Variants in ZNRF1 observed in about 807,000 individuals in gnomAD.
ZNRF1 encodes the protein zinc and ring finger 1, also known as E3 ubiquitin-protein ligase ZNRF1.
ZNRF1 carries 3 observed loss-of-function variants against 18.4 expected under a neutral mutation model. That is an observed-to-expected ratio of 0.16 (90% confidence interval 0.07 to 0.42). The LOEUF (loss-of-function observed/expected upper bound fraction) is 0.42, where lower values mean the gene tolerates loss of function less well. ZNRF1 is among the 10% of genes least tolerant of loss of function. The probability of loss-of-function intolerance (pLI) is 0.99; values close to 1 mark genes in which losing one functional copy is unlikely to be tolerated. For synonymous variants in ZNRF1, 157 were observed against 144.2 expected (o/e 1.09, Z -0.64); for missense variants, 310 against 329.8 (o/e 0.94, Z 0.47).
chr16:75,038,038 A>G (rs1242546328), intron 1 of ZNRF1, among the ~76,000 whole-genome samples: 1 of 152,218 alleles, frequency 6.6e-6, no homozygotes, highest in African/African-American at 2.4e-5. Flanking sequence ...TATGTTGACT[A>G]TGATTGCATA....
chr16:75,038,993 A>T (rs958938095), intron 1 of ZNRF1, among the ~76,000 whole-genome samples: 1 of 152,166 alleles, frequency 6.6e-6, no homozygotes, highest in African/African-American at 2.4e-5. Context: ...TTCTGTGTTT[A>T]ATCTCTGTGT....
chr16:75,081,150 G>C (rs2145411088), intron 1 of ZNRF1, among the ~76,000 whole-genome samples: 1 of 152,302 alleles, frequency 6.6e-6, no homozygotes, highest in Admixed American at 6.5e-5. Flanking sequence ...TCCAGCCTGG[G>C]GGACAGAGCA....
intron 1 of ZNRF1, among the ~76,000 whole-genome samples, chr16:75,014,282 C>T (rs1216748281): frequency 6.6e-6 from 1 of 152,160 alleles, no homozygotes; most frequent in African/African-American, 2.4e-5. Flanking sequence ...CCAAAGGGAA[C>T]GACTGCCCTC....
chr16:75,082,458 C>T (rs1244087770), intron 1 of ZNRF1, among the ~76,000 whole-genome samples: 1 of 152,210 alleles, frequency 6.6e-6, no homozygotes, highest in African/African-American at 2.4e-5. Flanking sequence ...GGTTTGATGT[C>T]TTCACGCTCA....
chr16:75,091,623 C>T lies in ZNRF1; in HGVS notation c.425-1949C>T, dbSNP rs181565660. Among the ~76,000 whole-genome samples the T allele has an allele frequency of 6.2e-4, 93 of 150,986 alleles. No homozygotes were observed. In the Middle Eastern group the frequency reaches 0.01, roughly 17 times the overall value. ...ACATGGCTCACTGCAGCTTTGACCT[C>T]CTGGGCTCAAGCCATCCTCCCACCT... On this transcript the variant is annotated intron_variant, in intron 1 of 4. Coordinates refer to ENST00000335325, the MANE Select transcript of ZNRF1 (RefSeq NM_032268.5).
chr16:75,030,977 A>G (rs1320722838), intron 1 of ZNRF1, among the ~76,000 whole-genome samples: 1 of 151,254 alleles, frequency 6.6e-6, no homozygotes, highest in Non-Finnish European at 1.5e-5. Flanking sequence ...AGCTGGGACT[A>G]GAGGTGTGCA....
chr16:75,054,659 A>G (rs1327839977), intron 1 of ZNRF1, among the ~76,000 whole-genome samples: 1 of 152,224 alleles, frequency 6.6e-6, no homozygotes, highest in Admixed American at 6.5e-5. Context: ...CAATCAGGTA[A>G]TACTGGCACT....
At chr16:75,074,694 A>G (rs1054960372) in intron 1 of ZNRF1, among the ~76,000 whole-genome samples, 6 of 152,132 alleles carry the variant, frequency 3.9e-5, no homozygotes, top group African/African-American at 7.2e-5. Context: ...CCCTGATTTG[A>G]TCATTGTTGA....
chr16:75,010,804 G>A (rs2034990544), intron 1 of ZNRF1, among the ~76,000 whole-genome samples: 2 of 142,738 alleles, frequency 1.4e-5, no homozygotes, highest in Admixed American at 1.5e-4. Context: ...TCTGCCTCCT[G>A]GGCTCAAGCA....
At chr16:75,049,869 G>GTGTA (rs1169284125) in intron 1 of ZNRF1, among the ~76,000 whole-genome samples, 3 of 151,668 alleles carry the variant, frequency 2.0e-5, no homozygotes, top group Non-Finnish European at 1.5e-5. Context: ...GTGTGTGTGT[G>GTGTA]TGGTTTAGTG....
chr16:75,035,015 A>G (rs1345692304), intron 1 of ZNRF1, among the ~76,000 whole-genome samples: 1 of 152,136 alleles, frequency 6.6e-6, no homozygotes, highest in Non-Finnish European at 1.5e-5. Context: ...AGGAACTGCC[A>G]TAACTTTTTC....
Position 75,085,815 on chromosome 16 carries a change from A to AGAGAGAGT in ZNRF1, c.425-7754_425-7753insAGAGTGAG, listed in dbSNP as rs889805907. 2.3e-4 allele frequency among the ~76,000 whole-genome samples: 34 copies of AGAGAGAGT among 146,832 alleles called. 1 individual carries two copies. The South Asian group carries it at 5.1e-3, about 22-fold the overall frequency. ...GTGAGAGAGAGAGAGAGAGAGAGAG[A>AGAGAGAGT]GAGTGAGTGTGTGTGTGTGTGTGTG... On this transcript the variant is annotated intron_variant, in intron 1 of 4. Coordinates refer to ENST00000335325, the MANE Select transcript of ZNRF1 (RefSeq NM_032268.5).
rs1479911381 is a variant in ZNRF1, at chr16:75,050,991, A to G, written c.425-42581A>G. The stretch of plus-strand genomic sequence containing the variant: ...GAGGATGGCTTGAGCTCAGGAGTTT[A>G]ACACCAGTGTGGGCAACATGGTGAG... On this transcript the variant is annotated intron_variant, in intron 1 of 4. Coordinates refer to ENST00000335325, the MANE Select transcript of ZNRF1 (RefSeq NM_032268.5). Among the ~76,000 whole-genome samples the G allele has an allele frequency of 5.3e-5, 8 of 150,224 alleles. No individual in the cohort carries two copies. In the Admixed American group the frequency reaches 5.4e-4, roughly 10 times the overall value.
intron 1 of ZNRF1, among the ~76,000 whole-genome samples, chr16:75,081,470 T>C (rs1311665173): frequency 2.6e-5 from 4 of 152,218 alleles, no homozygotes; most frequent in African/African-American, 9.6e-5. Context: ...TTTTGTTTCT[T>C]GAGGGAAAGT....
intron 1 of ZNRF1, among the ~76,000 whole-genome samples, chr16:75,005,894 T>C (rs2034911011): frequency 6.6e-6 from 1 of 152,144 alleles, no homozygotes; most frequent in Non-Finnish European, 1.5e-5. Context: ...TGGGCAAACA[T>C]CATAGGGTGT....
At chr16:75,013,964 G>A (rs777330119) in intron 1 of ZNRF1, among the ~76,000 whole-genome samples, 48 of 151,816 alleles carry the variant, frequency 3.2e-4, no homozygotes, top group Non-Finnish European at 6.0e-4. Context: ...CGAGTAGTTG[G>A]GATTACAGGC....
chr16:75,084,950 T>A (rs4321221), intron 1 of ZNRF1, among the ~76,000 whole-genome samples: 132,929 of 152,228 alleles, frequency 0.87, 58,496 homozygotes, highest in Non-Finnish European at 0.93. Flanking sequence ...TTTCATTTTA[T>A]TGCAGACATC....
Position 75,107,899 on chromosome 16 carries a change from A to G in ZNRF1, c.*199A>G, listed in dbSNP as rs1002545513. ...TGGATGAGAGCAAGTTTGAGAGAAG[A>G]ATGAATCAACTGCTATCCTTCCCCT... is the stretch of plus-strand genomic sequence containing the variant. On this transcript the variant is annotated 3_prime_UTR_variant, in exon 5 of 5. Coordinates refer to ENST00000335325, the MANE Select transcript of ZNRF1 (RefSeq NM_032268.5). 4.6e-6 allele frequency: 2 copies of G among 431,288 alleles called. No homozygotes were observed. Among genetic ancestry groups the G allele is most frequent in the African/African-American group, 4.0e-5 (2 of 49,494 alleles). 26.7% of individuals were successfully genotyped at this position (431,288 alleles called of 1,614,324 possible). A position where few individuals can be genotyped will look rare whatever the true frequency, so the allele number is the denominator to read the frequency against.
chr16:75,108,596 TA>T lies in ZNRF1; in HGVS notation c.*900del. On this transcript the variant is annotated 3_prime_UTR_variant, in exon 5 of 5. Transcript: ENST00000335325. ...AAGATAGGTTTCTGTATTTATATAT[TA>T]AAATACAAAAAAAAACTTATAAAAT... 1 of 398,690 alleles carries T rather than the reference TA, an allele frequency of 2.5e-6. No homozygotes were observed. Among genetic ancestry groups the T allele is most frequent in the East Asian group, 3.6e-5 (1 of 28,056 alleles). The allele number at this position is 398,690 out of a possible 1,614,324, so 24.7% of individuals were successfully genotyped here. A position where few individuals can be genotyped will look rare whatever the true frequency, so the allele number is the denominator to read the frequency against.
Sources: allele counts gnomAD v4.1 joint callset (sites outside exome capture counted in the v4.1 genomes callset), GRCh38; gene constraint gnomAD v4.1.1; transcripts MANE v1.5; gene names NCBI Gene and HGNC (gene_info 2026-07-23, HGNC 2026-07-21).